The following ASPM variants were observed in gnomAD, a reference collection of about 807,000 sequenced individuals.
The protein encoded by ASPM is assembly factor for spindle microtubules.
ASPM carries 256 observed loss-of-function variants against 366.4 expected under a neutral mutation model. That is an observed-to-expected ratio of 0.70 (90% CI 0.63 to 0.77). The LOEUF is 0.77. ASPM is among the 30% of genes least tolerant of loss of function. The pLI is 0.00. For missense variants in ASPM, 4,146 were observed against 4,090.4 expected, an observed-to-expected ratio of 1.01 and a Z score of -0.37; for synonymous variants, 1,414 against 1,342.9, an observed-to-expected ratio of 1.05 and a Z score of -1.16.
chr1:197,097,993 T>C (rs189203113), intron 18 of ASPM, among the ~76,000 whole-genome samples: 1 of 143,492 alleles, frequency 7.0e-6, no homozygotes, highest in Admixed American at 7.5e-5. Context: ...TGTATATATA[T>C]ATTTACAAAT....
At position 197,090,783 on chromosome 1, in the gene ASPM, T is replaced by C. The variant is rs1055134859; in HGVS notation, c.9636+67A>G. The C allele has an allele frequency of 5.0e-5, 70 of 1,408,722 alleles. No individual in the cohort carries two copies. The African/African-American group carries it at 9.2e-4, about 19-fold the overall frequency. 87.3% of individuals were successfully genotyped at this position (1,408,722 alleles called of 1,614,324 possible). ...TAAAATGGTAACTATGTTTTTATAG[T>C]GTTAGATATCATGTAGATGAATTGC... On this transcript the variant is annotated intron_variant, in intron 23 of 27. Coordinates refer to ENST00000367409, the MANE Select transcript of ASPM (RefSeq NM_018136.5).
intron 7 of ASPM, among the ~76,000 whole-genome samples, chr1:197,130,584 TAAAA>T (rs1170346498): frequency 1.3e-5 from 2 of 152,122 alleles, no homozygotes; most frequent in African/African-American, 4.8e-5. Flanking sequence ...AGGAAAAACT[TAAAA>T]AATATCAAAT....
chr1:197,101,837 T>G lies in ASPM; in HGVS notation c.7414A>C (p.Met2472Leu). The change falls in exon 18 of 28, where the codon ATG (methionine) becomes CTG (leucine). Residue 2472 changes from methionine (M) to leucine (L), a missense_variant. Met to Leu is a conservative substitution (Grantham distance 15). Around this residue, in one of 3 missense-constraint regions of ASPM, gnomAD observed 3,624 missense variants for 3,591.7 expected, o/e 1.01. Coordinates refer to ENST00000367409, the MANE Select transcript of ASPM (RefSeq NM_018136.5). ...ITIQSSYRRL[M>L]VKKKLQEMQR... ...ATTTCTTGTAACTTCTTCTTTACCA[T>G]CAGTCTTCTGTAAGATGACTGTATT... is the stretch of plus-strand genomic sequence containing the variant. 6.2e-7 allele frequency: 1 copy of G among 1,612,856 alleles called. No homozygotes were observed. Among genetic ancestry groups the G allele is most frequent in the Non-Finnish European group, 8.5e-7 (1 of 1,179,310 alleles).
chr1:197,117,361 A>G (rs527398085), intron 17 of ASPM, among the ~76,000 whole-genome samples: 1 of 152,168 alleles, frequency 6.6e-6, no homozygotes, highest in East Asian at 1.9e-4. Context: ...CTATAGACTA[A>G]TTATAAGTAC....
intron 17 of ASPM, among the ~76,000 whole-genome samples, chr1:197,107,464 G>C (rs1395601241): frequency 6.6e-6 from 1 of 152,068 alleles, no homozygotes; most frequent in African/African-American, 2.4e-5. Context: ...TTCTCCATAG[G>C]ATTTAAACAA....
intron 10 of ASPM, among the ~76,000 whole-genome samples, chr1:197,126,061 T>C (rs1405929819): frequency 6.6e-6 from 1 of 152,150 alleles, no homozygotes; most frequent in Non-Finnish European, 1.5e-5. Flanking sequence ...AAGATTGATC[T>C]CTTAACTACT....
Position 197,142,988 on chromosome 1 carries a change from C to A in ASPM, c.1264G>T (p.Val422Phe), listed in dbSNP as rs746525067. ...KVPLSNENSQ[V>F]PQSPEDWRKS... Reference sequence around the variant, plus strand: ...CTCCAATCTTCAGGAGACTGTGGGACTTGAGAATTTTCATTTGATAATGGT... The same window carrying A: ...CTCCAATCTTCAGGAGACTGTGGGAATTGAGAATTTTCATTTGATAATGGT... Residue 422 changes from valine to phenylalanine, a missense_variant, in exon 3 of 28, where the codon GTC (valine) becomes TTC (phenylalanine). Physicochemically the swap from Val to Phe is conservative, Grantham distance 50. Around this residue, in one of 3 missense-constraint regions of ASPM, gnomAD observed 3,624 missense variants for 3,591.7 expected, o/e 1.01. Transcript: ENST00000367409. 1 of 1,613,806 alleles carries A rather than the reference C, an allele frequency of 6.2e-7. No individual in the cohort carries two copies. Among genetic ancestry groups the A allele is most frequent in the Non-Finnish European group, 8.5e-7 (1 of 1,179,864 alleles).
rs1326312221 is a variant in ASPM at position 197,142,474 on chromosome 1, T to C, written c.1778A>G (p.His593Arg). Reference sequence around the variant, plus strand: ...TCTTTTGATTTCTCGCACTTCTGTATGTTCTGTAATTGCAACTCTCACATT... The same window carrying C: ...TCTTTTGATTTCTCGCACTTCTGTACGTTCTGTAATTGCAACTCTCACATT... ...DANVRVAITEHTEVREIKRIH... is the reference protein window; with the variant it reads ...DANVRVAITERTEVREIKRIH... The change falls in exon 3 of 28, where the codon CAT (histidine) becomes CGT (arginine). Residue 593 changes from histidine to arginine, a missense_variant. Transcript: ENST00000367409. 3 of 1,613,958 alleles carry C rather than the reference T, an allele frequency of 1.9e-6. No homozygotes were observed. The highest frequency in any genetic ancestry group is 8.5e-7 in the Non-Finnish European group (1 of 1,179,908).
chr1:197,124,862 T>A lies in ASPM; in HGVS notation c.3168+8A>T. ...TAAAAAATACAAGATGTACCAAATG[T>A]ATAATACCTGAAAAGCAAACGCTAT... On this transcript the variant is annotated splice_region_variant and intron_variant, in intron 12 of 27. Transcript: ENST00000367409. The A allele has an allele frequency of 1.3e-6, 2 of 1,582,044 alleles. No homozygotes were observed. The highest frequency in any genetic ancestry group is 1.7e-6 in the Non-Finnish European group (2 of 1,152,122).
At chr1:197,139,048 G>A (rs1658502835) in intron 4 of ASPM, 1 of 741,412 alleles carries the variant, frequency 1.3e-6, no homozygotes, top group Admixed American at 2.0e-5. Flanking sequence ...AAAACTAACT[G>A]GCTGGTTGTC....
At chr1:197,140,604 C>T (rs948906608) in intron 3 of ASPM, among the ~76,000 whole-genome samples, 7 of 152,022 alleles carry the variant, frequency 4.6e-5, no homozygotes, top group Non-Finnish European at 1.0e-4. Flanking sequence ...AAGATTTGAA[C>T]AAAGGCAGTA....
intron 4 of ASPM, among the ~76,000 whole-genome samples, chr1:197,136,106 A>T (rs1031834484): frequency 1.3e-5 from 2 of 152,242 alleles, no homozygotes; most frequent in African/African-American, 4.8e-5. Context: ...AAAATAATGA[A>T]GAAACCTGTC....
intron 19 of ASPM, among the ~76,000 whole-genome samples, chr1:197,095,553 G>T (rs1020255352): frequency 6.6e-6 from 1 of 151,674 alleles, no homozygotes; most frequent in Non-Finnish European, 1.5e-5. Context: ...GGTAATTAGG[G>T]TCTTCATCAT....
rs1312470889 is a variant in ASPM at position 197,102,356 on chromosome 1, G to A, written c.6895C>T (p.His2299Tyr). ...AILIQRKYRA[H>Y]LCTKHHLQFL... is the part of the protein sequence containing the mutation. ...TGTAAGTGATGCTTTGTACAAAGAT[G>A]TGCCCGATATTTTCTCTGAATCAAA... Residue 2299 changes from histidine to tyrosine, a missense_variant, in exon 18 of 28, where the codon CAT becomes TAT. His to Tyr is a moderately conservative substitution (Grantham distance 83). Around this residue, in one of 3 missense-constraint regions of ASPM, gnomAD observed 3,624 missense variants for 3,591.7 expected, o/e 1.01. Transcript: ENST00000367409. 5.6e-6 allele frequency: 9 copies of A among 1,612,664 alleles called. No individual in the cohort carries two copies. The African/African-American group carries it at 8.0e-5, about 14-fold the overall frequency.
rs748091953 is a variant in ASPM at position 197,102,819 on chromosome 1, A to C, written c.6432T>G (p.Ile2144Met). 4 of 1,612,424 alleles carry C rather than the reference A, an allele frequency of 2.5e-6. No homozygotes were observed. The South Asian group carries it at 3.3e-5, about 13-fold the overall frequency. ...ATGCTCTACATCTTACTTGAATAAC[A>C]ATAGCTGCTTTTCTCATTGTATGGT... ...ISYHTMRKAA[I>M]VIQVRCRAYY... Residue 2144 changes from isoleucine (I) to methionine (M), a missense_variant, in exon 18 of 28, where the codon ATT becomes ATG. Ile to Met is a conservative substitution (Grantham distance 10). Transcript: ENST00000367409.
chr1:197,133,642 T>G, intron 5 of ASPM, 47 bp from the exon 6 acceptor site: 2 of 1,583,884 alleles, frequency 1.3e-6, no homozygotes, highest in Non-Finnish European at 1.7e-6. Context: ...ACAATATCTC[T>G]ACATATTCTT....
At chr1:197,135,623 CTTTTT>C (rs778898963) in intron 4 of ASPM, among the ~76,000 whole-genome samples, 1 of 69,820 alleles carries the variant, frequency 1.4e-5, no homozygotes, top group Admixed American at 1.5e-4. Flanking sequence ...AAATATCTGT[CTTTTT>C]TTTTTTTTTT....
intron 18 of ASPM, among the ~76,000 whole-genome samples, chr1:197,098,017 C>A (rs893031366): frequency 2.7e-5 from 4 of 147,298 alleles, no homozygotes; most frequent in African/African-American, 1.0e-4. Context: ...TATATATATA[C>A]ACACACACAC....
intron 5 of ASPM, 122 bp from the exon 6 acceptor site, chr1:197,133,717 CT>C: frequency 8.7e-7 from 1 of 1,144,092 alleles, no homozygotes; most frequent in Non-Finnish European, 1.2e-6. Context: ...CCACTCCAAG[CT>C]TACTCCTTAG....
Sources: allele counts gnomAD v4.1 joint callset (sites outside exome capture counted in the v4.1 genomes callset), GRCh38; gene constraint gnomAD v4.1.1; regional missense constraint gnomAD v4.1.1; transcripts MANE v1.5; gene names NCBI Gene and HGNC (gene_info 2026-07-23, HGNC 2026-07-21).